The following CERS3 variants were observed in gnomAD, a reference collection of about 807,000 sequenced individuals.
The protein encoded by CERS3 is LAG1 homolog, ceramide synthase 3.
A neutral mutation model predicts 50.3 loss-of-function variants in CERS3; 33 were observed. The ratio of observed to expected loss-of-function variants is 0.66; its 90% CI spans 0.50 to 0.88. CERS3 has a LOEUF of 0.88. Ranked by LOEUF, CERS3 falls within the 40% of genes least tolerant of loss-of-function variation. The pLI is 0.00. For synonymous variants in CERS3, 176 were observed against 155.2 expected (o/e 1.13, Z -0.99); for missense variants, 470 against 460.3 (o/e 1.02, Z -0.19).
At chr15:100,489,078 T>A (rs971587338) in intron 4 of CERS3, among the ~76,000 whole-genome samples, 4 of 152,248 alleles carry the variant, frequency 2.6e-5, no homozygotes, top group African/African-American at 7.2e-5. Flanking sequence ...CCCAGCCACT[T>A]TTTTTTTCCT....
At chr15:100,443,123 CT>C (rs1180442480) in intron 11 of CERS3, among the ~76,000 whole-genome samples, 9 of 151,752 alleles carry the variant, frequency 5.9e-5, no homozygotes, top group African/African-American at 1.9e-4. Flanking sequence ...CATTACTGCC[CT>C]TCTTCCCAAT....
chr15:100,433,090 GC>G (rs776689391), intron 11 of CERS3, among the ~76,000 whole-genome samples: 46 of 152,190 alleles, frequency 3.0e-4, no homozygotes, highest in Admixed American at 8.5e-4. Flanking sequence ...CAAAGAATCA[GC>G]CAGGTGTGGT....
intron 1 of CERS3, among the ~76,000 whole-genome samples, chr15:100,527,199 A>G (rs12441075): frequency 0.37 from 56,509 of 152,046 alleles, 11,144 homozygotes; most frequent in Non-Finnish European, 0.44. Context: ...TGGGAGGCTG[A>G]GGCACGAGAA....
chr15:100,501,321 C>T (rs1464845226), intron 3 of CERS3, among the ~76,000 whole-genome samples: 1 of 152,204 alleles, frequency 6.6e-6, no homozygotes, highest in East Asian at 1.9e-4. Context: ...CTAGCACAGC[C>T]TTTCTGGGAA....
intron 11 of CERS3, among the ~76,000 whole-genome samples, chr15:100,430,074 A>G (rs1354310245): frequency 1.3e-5 from 2 of 152,056 alleles, no homozygotes; most frequent in Admixed American, 1.3e-4. Context: ...GCACTTTGGG[A>G]GGCAGAGGTG....
Position 100,427,941 on chromosome 15 carries a change from C to T in CERS3, c.1000-25076G>A, listed in dbSNP as rs375960266. ...GGTGAAAAAAGCAATGAGAGAGCCA[C>T]GTCACTAAGTGAATTAGAATGAATG... On this transcript the variant is annotated intron_variant, in intron 11 of 11. Transcript: ENST00000679737. Among the ~76,000 whole-genome samples the T allele has an allele frequency of 9.2e-5, 14 of 152,280 alleles. No individual in the cohort carries two copies. In the South Asian group the frequency reaches 1.2e-3, roughly 14 times the overall value.
At chr15:100,494,537 G>C (rs1017020661) in intron 3 of CERS3, among the ~76,000 whole-genome samples, 3 of 152,090 alleles carry the variant, frequency 2.0e-5, no homozygotes, top group Admixed American at 2.0e-4. Flanking sequence ...GTGAGGCTTA[G>C]TCACCTTTTT....
intron 2 of CERS3, among the ~76,000 whole-genome samples, chr15:100,503,548 A>T (rs535841886): frequency 2.0e-5 from 3 of 152,176 alleles, no homozygotes; most frequent in Non-Finnish European, 4.4e-5. Context: ...AGAAAGGTCA[A>T]TTTGGTAGCC....
At chr15:100,403,718 A>G (rs983415725) in intron 11 of CERS3, among the ~76,000 whole-genome samples, 4 of 152,252 alleles carry the variant, frequency 2.6e-5, no homozygotes, top group African/African-American at 9.6e-5. Flanking sequence ...CTGGATAGTC[A>G]TATAACTATG....
intron 2 of CERS3, among the ~76,000 whole-genome samples, chr15:100,519,706 A>T (rs560598974): frequency 6.6e-6 from 1 of 152,316 alleles, no homozygotes; most frequent in African/African-American, 2.4e-5. Flanking sequence ...CCATCTTATG[A>T]AATCCCAGCC....
intron 11 of CERS3, among the ~76,000 whole-genome samples, chr15:100,423,836 A>G (rs2032628187): frequency 6.6e-6 from 1 of 152,126 alleles, no homozygotes; most frequent in African/African-American, 2.4e-5. Flanking sequence ...ACCATGATTG[A>G]AAGTTTCCTG....
intron 3 of CERS3, chr15:100,500,299 A>G (rs530308647): frequency 1.3e-5 from 2 of 152,238 alleles, no homozygotes; most frequent in Non-Finnish European, 2.9e-5. Flanking sequence ...TATAGACTAT[A>G]CTTAATCCCT....
At chr15:100,404,644 G>C (rs1386264336) in intron 11 of CERS3, among the ~76,000 whole-genome samples, 1 of 152,148 alleles carries the variant, frequency 6.6e-6, no homozygotes. Context: ...TATATGGAGA[G>C]GCAAAGGAAC....
At chr15:100,473,786 T>C (rs1945348419) in intron 8 of CERS3, among the ~76,000 whole-genome samples, 1 of 152,192 alleles carries the variant, frequency 6.6e-6, no homozygotes, top group African/African-American at 2.4e-5. Context: ...GCCCAGCAAT[T>C]CCACTCTTAG....
intron 11 of CERS3, among the ~76,000 whole-genome samples, chr15:100,432,141 C>T (rs1056730582): frequency 2.0e-5 from 3 of 151,762 alleles, no homozygotes; most frequent in Admixed American, 6.6e-5. Flanking sequence ...AATCATGGCT[C>T]ACTGAAGCCT....
chr15:100,434,777 C>T (rs944654428), intron 11 of CERS3, among the ~76,000 whole-genome samples: 1 of 152,184 alleles, frequency 6.6e-6, no homozygotes, highest in African/African-American at 2.4e-5. Flanking sequence ...GTGCCTGTGC[C>T]CCGGTCTAAA....
At chr15:100,409,611 T>C (rs1456125303) in intron 11 of CERS3, among the ~76,000 whole-genome samples, 1 of 152,204 alleles carries the variant, frequency 6.6e-6, no homozygotes, top group Non-Finnish European at 1.5e-5. Context: ...CTTGGTATTT[T>C]CTGAAACTCT....
At chr15:100,485,682 G>A (rs1019085307) in intron 4 of CERS3, among the ~76,000 whole-genome samples, 6 of 152,036 alleles carry the variant, frequency 3.9e-5, no homozygotes, top group Admixed American at 3.3e-4. Flanking sequence ...TGGCCAATAT[G>A]GTGAAACCCC....
At chr15:100,461,091 T>C (rs950283883) in intron 10 of CERS3, among the ~76,000 whole-genome samples, 7 of 152,122 alleles carry the variant, frequency 4.6e-5, no homozygotes, top group African/African-American at 1.7e-4. Context: ...GTGGCCTTCA[T>C]TGTGAGAGCA....
Sources: allele counts gnomAD v4.1 joint callset (sites outside exome capture counted in the v4.1 genomes callset), GRCh38; gene constraint gnomAD v4.1.1; transcripts MANE v1.5; gene names NCBI Gene and HGNC (gene_info 2026-07-23, HGNC 2026-07-21).